KIAA1328: variants seen among roughly 807,000 people sequenced by gnomAD.
The protein encoded by KIAA1328 is KIAA1328, also known as protein hinderin.
A neutral mutation model predicts 68.1 loss-of-function variants in KIAA1328; 52 were observed. The observed-to-expected ratio is 0.76, with a 90% CI of 0.61 to 0.96. KIAA1328 has a LOEUF of 0.96. Ranked by LOEUF, KIAA1328 falls within the 40% of genes least tolerant of loss-of-function variation. The probability of loss-of-function intolerance (pLI) is 0.00; values close to 1 mark genes in which losing one functional copy is unlikely to be tolerated. For synonymous variants in KIAA1328, 232 were observed against 239.4 expected (o/e 0.97, Z 0.28); for missense variants, 641 against 677.6 (o/e 0.95, Z 0.60).
At chr18:37,064,665 C>G (rs532441780) in intron 6 of KIAA1328, among the ~76,000 whole-genome samples, 6 of 151,430 alleles carry the variant, frequency 4.0e-5, no homozygotes, top group Admixed American at 1.3e-4. Context: ...AACTGTATTA[C>G]CCAGGTAGGC....
chr18:37,198,240 G>A (rs1207395876), intron 9 of KIAA1328, among the ~76,000 whole-genome samples: 2 of 152,088 alleles, frequency 1.3e-5, no homozygotes, highest in African/African-American at 4.8e-5. Context: ...CAATGAAAAT[G>A]TTCTAAAATT....
At chr18:36,944,918 A>G (rs1351295483) in intron 5 of KIAA1328, among the ~76,000 whole-genome samples, 1 of 152,220 alleles carries the variant, frequency 6.6e-6, no homozygotes, top group Non-Finnish European at 1.5e-5. Flanking sequence ...GAACTGAGGA[A>G]ACAGAGACTG....
intron 6 of KIAA1328, among the ~76,000 whole-genome samples, chr18:36,966,437 T>C (rs1444364201): frequency 3.9e-5 from 6 of 152,202 alleles, no homozygotes; most frequent in Admixed American, 1.3e-4. Flanking sequence ...CGTGTGTGTG[T>C]GTACATTTGT....
At chr18:37,030,137 T>C (rs1414165955) in intron 6 of KIAA1328, among the ~76,000 whole-genome samples, 3 of 152,132 alleles carry the variant, frequency 2.0e-5, no homozygotes, top group Non-Finnish European at 4.4e-5. Flanking sequence ...CATCTTTTAT[T>C]AGATTTTCTC....
chr18:36,885,889 G>A (rs1401350065), intron 5 of KIAA1328: 13 of 494,946 alleles, frequency 2.6e-5, no homozygotes, highest in South Asian at 6.4e-5. Flanking sequence ...GCTAATTTTC[G>A]TATTTTTAGT....
intron 4 of KIAA1328, among the ~76,000 whole-genome samples, chr18:36,867,479 A>G (rs2047793786): frequency 6.6e-6 from 1 of 152,238 alleles, no homozygotes; most frequent in African/African-American, 2.4e-5. Flanking sequence ...CTTCATAGCA[A>G]CGCCAGAATG....
chr18:36,974,655 G>A (rs1180423889), intron 6 of KIAA1328, among the ~76,000 whole-genome samples: 2 of 152,092 alleles, frequency 1.3e-5, no homozygotes, highest in Non-Finnish European at 2.9e-5. Context: ...CCTTTGGGTA[G>A]ATACACAGTA....
At chr18:36,890,041 T>C (rs1291824144) in intron 5 of KIAA1328, among the ~76,000 whole-genome samples, 1 of 152,096 alleles carries the variant, frequency 6.6e-6, no homozygotes, top group East Asian at 1.9e-4. Flanking sequence ...TTTTTGTTTG[T>C]TTGTTTGTTT....
At chr18:37,162,842 A>G (rs185137765) in intron 8 of KIAA1328, among the ~76,000 whole-genome samples, 101 of 151,728 alleles carry the variant, frequency 6.7e-4, no homozygotes, top group Non-Finnish European at 1.0e-3. Context: ...TACCTCTCCT[A>G]TCCTCCTCAC....
chr18:37,201,330 A>C (rs935024878), intron 9 of KIAA1328, among the ~76,000 whole-genome samples: 8 of 152,230 alleles, frequency 5.3e-5, no homozygotes, highest in African/African-American at 1.9e-4. Context: ...AAAAAACATC[A>C]TAAAGAAAAT....
chr18:36,926,071 T>C, intron 5 of KIAA1328, among the ~76,000 whole-genome samples: 1 of 152,030 alleles, frequency 6.6e-6, no homozygotes, highest in Non-Finnish European at 1.5e-5. Context: ...CTTCTGAGAA[T>C]GGGGCTTTAT....
chr18:36,897,590 C>T (rs1376913544), intron 5 of KIAA1328, among the ~76,000 whole-genome samples: 1 of 151,996 alleles, frequency 6.6e-6, no homozygotes, highest in Non-Finnish European at 1.5e-5. Flanking sequence ...ACAATAAGGA[C>T]AGCCTATGAT....
intron 4 of KIAA1328, among the ~76,000 whole-genome samples, chr18:36,847,668 G>A (rs1026047582): frequency 5.3e-5 from 8 of 151,548 alleles, no homozygotes; most frequent in East Asian, 1.9e-4. Flanking sequence ...TCAAATATGC[G>A]TTTTATTCTC....
At chr18:36,895,115 A>G (rs1377530584) in intron 5 of KIAA1328, among the ~76,000 whole-genome samples, 1 of 152,220 alleles carries the variant, frequency 6.6e-6, no homozygotes, top group Non-Finnish European at 1.5e-5. Flanking sequence ...TTTTAAAAAT[A>G]GTATTTGGCT....
intron 7 of KIAA1328, among the ~76,000 whole-genome samples, chr18:37,088,070 C>T (rs115234509): frequency 5.6e-4 from 86 of 152,276 alleles, no homozygotes; most frequent in African/African-American, 2.0e-3. Context: ...TTCCTCCAGT[C>T]TCTGAGCCTT....
At chr18:36,874,701 A>T (rs955255009) in intron 4 of KIAA1328, among the ~76,000 whole-genome samples, 1 of 152,096 alleles carries the variant, frequency 6.6e-6, no homozygotes, top group African/African-American at 2.4e-5. Flanking sequence ...ACCCATTTGT[A>T]AATTTTGGCT....
At chr18:36,869,465 G>C (rs1206498131) in intron 4 of KIAA1328, among the ~76,000 whole-genome samples, 2 of 151,912 alleles carry the variant, frequency 1.3e-5, no homozygotes, top group Admixed American at 1.3e-4. Context: ...AAAGCTGAAA[G>C]GCTGTACATG....
In KIAA1328 at chr18:37,119,716, T is replaced by TTG. The variant is rs147067729; in HGVS notation, c.1233-40471_1233-40470dup. Among the ~76,000 whole-genome samples the TTG allele has an allele frequency of 9.6e-4, 145 of 151,610 alleles. 4 individuals are homozygous for TTG. Among genetic ancestry groups the TTG allele is most frequent in the Non-Finnish European group, 3.1e-4 (21 of 67,866 alleles). ...CCACAATTTAGTCCATAGTGTGTGT[T>TTG]TGTGTGTGTGTGTGAATGTATGTAT... On this transcript the variant is annotated intron_variant, in intron 7 of 9. Transcript: ENST00000280020.
At chr18:36,905,826 G>T (rs1004144854) in intron 5 of KIAA1328, among the ~76,000 whole-genome samples, 1 of 152,144 alleles carries the variant, frequency 6.6e-6, no homozygotes, top group Admixed American at 6.6e-5. Flanking sequence ...AGCTAAACAT[G>T]AGCTCAGATT....
Sources: allele counts gnomAD v4.1 joint callset (sites outside exome capture counted in the v4.1 genomes callset), GRCh38; gene constraint gnomAD v4.1.1; transcripts MANE v1.5; gene names NCBI Gene and HGNC (gene_info 2026-07-23, HGNC 2026-07-21).